Variants in WDPCP observed in about 807,000 individuals in gnomAD.
The protein encoded by WDPCP is WD repeat containing planar cell polarity effector.
Under a neutral mutation model 93.1 loss-of-function variants are expected in WDPCP, and 71 were observed. That is an observed-to-expected ratio of 0.76 (90% CI 0.63 to 0.93). The LOEUF is 0.93. Ranked by LOEUF, WDPCP falls within the 40% of genes least tolerant of loss-of-function variation. The pLI is 0.00. For synonymous variants in WDPCP, 315 were observed against 315.0 expected, an observed-to-expected ratio of 1.00 and a Z score of 0.00; for missense variants, 844 against 887.4, an observed-to-expected ratio of 0.95 and a Z score of 0.62.
intron 14 of WDPCP, among the ~76,000 whole-genome samples, chr2:63,243,903 C>T (rs1246348381): frequency 6.6e-6 from 1 of 152,062 alleles, no homozygotes; most frequent in Non-Finnish European, 1.5e-5. Flanking sequence ...ATGCAACAAC[C>T]ACAGAATATA....
intron 3 of WDPCP, among the ~76,000 whole-genome samples, chr2:63,640,212 G>A (rs575011491): frequency 7.2e-4 from 109 of 152,264 alleles, no homozygotes; most frequent in Non-Finnish European, 1.3e-3. Flanking sequence ...GTTTCACCGT[G>A]TTAGCCAGGA....
Position 63,439,860 on chromosome 2 carries a change from A to G in WDPCP, c.396T>C (p.Gly132=), listed in dbSNP as rs371660162. The change falls in exon 7 of 18, where the codon GGT becomes GGC. Residue 132 remains glycine (G), a synonymous_variant. Transcript: ENST00000272321. Reference sequence around the variant, plus strand: ...GGCTTAGAGACACCAGCACACCTGAACCAAAAAGGAGCTAAAACCAGGTAA... The same window carrying G: ...GGCTTAGAGACACCAGCACACCTGAGCCAAAAAGGAGCTAAAACCAGGTAA... The part of the protein sequence containing the change: ...KNKYVCQLLF[G]SGVLVSLSLS... The G allele has an allele frequency of 5.6e-6, 9 of 1,612,974 alleles. No homozygotes were observed. In the African/African-American group the frequency reaches 1.2e-4, roughly 22 times the overall value.
At chr2:63,515,272 A>G (rs1702479090) in intron 1 of WDPCP, among the ~76,000 whole-genome samples, 1 of 152,174 alleles carries the variant, frequency 6.6e-6, no homozygotes. Flanking sequence ...ATAACTATAC[A>G]TTCTCTTTTG....
intron 14 of WDPCP, among the ~76,000 whole-genome samples, chr2:63,237,586 T>C (rs1362254890): frequency 6.6e-6 from 1 of 152,160 alleles, no homozygotes; most frequent in Non-Finnish European, 1.5e-5. Context: ...GTGCCCATAA[T>C]GGTGAACTGG....
chr2:63,559,790 A>C (rs1706449385), intron 1 of WDPCP, among the ~76,000 whole-genome samples: 1 of 152,248 alleles, frequency 6.6e-6, no homozygotes. Flanking sequence ...GAGAGGACAC[A>C]AACAAATGGA....
intron 14 of WDPCP, among the ~76,000 whole-genome samples, chr2:63,186,197 G>C (rs926049118): frequency 2.6e-5 from 4 of 152,216 alleles, no homozygotes; most frequent in Non-Finnish European, 5.9e-5. Flanking sequence ...TTAGATCACA[G>C]TGCCATCCCT....
At chr2:63,502,514 G>A (rs532806909) in intron 1 of WDPCP, among the ~76,000 whole-genome samples, 1 of 152,088 alleles carries the variant, frequency 6.6e-6, no homozygotes, top group Non-Finnish European at 1.5e-5. Context: ...TGCCAACCTG[G>A]TAGGTGAAAA....
Position 63,801,047 on chromosome 2 carries a change from T to C in WDPCP, n.308+12575A>G, listed in dbSNP as rs1016504672. 5.3e-5 allele frequency among the ~76,000 whole-genome samples: 8 copies of C among 152,316 alleles called. No homozygotes were observed. In the Middle Eastern group the frequency reaches 0.01, roughly 194 times the overall value. On this transcript the variant is annotated intron_variant and non_coding_transcript_variant, in intron 2 of 4. Transcript: ENST00000467687. ...CAGCCTGGACTACAGAGTATGCCCA[T>C]GTTTTGAAATAAATAAATACATAAA...
intron 13 of WDPCP, among the ~76,000 whole-genome samples, chr2:63,298,439 A>G (rs1309595157): frequency 6.6e-6 from 1 of 151,902 alleles, no homozygotes. Context: ...CCCACCCACA[A>G]TGTGGGTGGG....
rs1697229288 is a variant in WDPCP, at chr2:63,437,675, G to A, written c.500-121C>T. The A allele has an allele frequency of 7.5e-6, 8 of 1,065,644 alleles. No individual in the cohort carries two copies. The East Asian group carries it at 2.1e-4, about 28-fold the overall frequency. 66.0% of individuals were successfully genotyped at this position (1,065,644 alleles called of 1,614,324 possible). ...TTAACTGAAATCACTAAAGTCTCTT[G>A]AATATCATTATAGCATTTTATAAAA... On this transcript the variant is annotated intron_variant, in intron 7 of 17. Transcript: ENST00000272321.
chr2:63,611,341 T>A (rs1252066650), intron 3 of WDPCP, among the ~76,000 whole-genome samples: 1 of 152,220 alleles, frequency 6.6e-6, no homozygotes, highest in African/African-American at 2.4e-5. Flanking sequence ...AGATTTTTTT[T>A]AATACTGTTG....
intron 2 of WDPCP, among the ~76,000 whole-genome samples, chr2:63,729,395 G>T (rs576491394): frequency 6.6e-6 from 1 of 152,138 alleles, no homozygotes; most frequent in Non-Finnish European, 1.5e-5. Flanking sequence ...GAGTTTTGGA[G>T]TAAAAATAAA....
At chr2:63,302,300 A>C (rs527960691) in intron 13 of WDPCP, among the ~76,000 whole-genome samples, 119 of 152,324 alleles carry the variant, frequency 7.8e-4, no homozygotes, top group African/African-American at 2.7e-3. Context: ...GATGAGCAAT[A>C]TGTCTCCTAT....
chr2:63,338,462 G>A (rs1441978732), intron 12 of WDPCP, among the ~76,000 whole-genome samples: 1 of 150,386 alleles, frequency 6.6e-6, no homozygotes, highest in Non-Finnish European at 1.5e-5. Context: ...TGAGGCAGGA[G>A]AACCACCTGA....
At chr2:63,700,656 C>G (rs564247784) in intron 2 of WDPCP, among the ~76,000 whole-genome samples, 1 of 152,202 alleles carries the variant, frequency 6.6e-6, no homozygotes, top group South Asian at 2.1e-4. Context: ...CAGCATGGTA[C>G]TCACATAAAA....
intron 9 of WDPCP, among the ~76,000 whole-genome samples, chr2:63,426,929 G>A (rs556262001): frequency 2.6e-5 from 4 of 152,172 alleles, no homozygotes; most frequent in African/African-American, 4.8e-5. Context: ...AAAAAGAGCC[G>A]GGGCCACTAT....
At chr2:63,505,513 C>T (rs1025123686) in intron 1 of WDPCP, among the ~76,000 whole-genome samples, 2 of 151,972 alleles carry the variant, frequency 1.3e-5, no homozygotes, top group African/African-American at 4.8e-5. Context: ...TAGATTATGA[C>T]CATGTTTTGC....
chr2:63,605,933 T>C (rs760086317), intron 3 of WDPCP: 1 of 1,611,914 alleles, frequency 6.2e-7, no homozygotes, highest in South Asian at 1.1e-5. Flanking sequence ...ACATTGTTAT[T>C]TTCAGGGAGA....
intron 3 of WDPCP, chr2:63,597,472 A>G: frequency 6.6e-7 from 1 of 1,515,808 alleles, no homozygotes; most frequent in South Asian, 1.3e-5. Flanking sequence ...GCTCCATGCC[A>G]AGAAGGGAAG....
Sources: allele counts gnomAD v4.1 joint callset (sites outside exome capture counted in the v4.1 genomes callset), GRCh38; gene constraint gnomAD v4.1.1; transcripts MANE v1.5; gene names NCBI Gene and HGNC (gene_info 2026-07-23, HGNC 2026-07-21).